The following ANKRD12 variants were observed in gnomAD, a reference collection of about 807,000 sequenced individuals.
ANKRD12 encodes the protein ankyrin repeat domain-containing protein 12.
Under a neutral mutation model 183.4 loss-of-function variants are expected in ANKRD12, and 85 were observed. The ratio of observed to expected loss-of-function variants is 0.46; its 90% CI spans 0.39 to 0.56. ANKRD12 has a LOEUF of 0.56. Among genes scored for constraint, ANKRD12 ranks in the 20% least tolerant of loss-of-function variants. The pLI is 0.00. For missense variants in ANKRD12, 2,405 were observed against 2,357.1 expected (o/e 1.02, Z -0.42); for synonymous variants, 914 against 800.2 (o/e 1.14, Z -2.40).
chr18:9,277,151 A>G (rs911823709), intron 11 of ANKRD12, among the ~76,000 whole-genome samples: 4 of 152,078 alleles, frequency 2.6e-5, no homozygotes, highest in Non-Finnish European at 4.4e-5. Flanking sequence ...CATTGAAATG[A>G]CAAAAGACAT....
chr18:9,139,305 C>G (rs896883510), intron 1 of ANKRD12, among the ~76,000 whole-genome samples: 2 of 152,080 alleles, frequency 1.3e-5, no homozygotes, highest in East Asian at 3.9e-4. Flanking sequence ...AAGGAAGATG[C>G]TTTTATCAAG....
intron 2 of ANKRD12, among the ~76,000 whole-genome samples, chr18:9,187,073 A>T (rs569628288): frequency 1.3e-5 from 2 of 152,160 alleles, no homozygotes; most frequent in South Asian, 4.1e-4. Flanking sequence ...TTGTCTTTTC[A>T]TAGTGAGTGG....
intron 4 of ANKRD12, among the ~76,000 whole-genome samples, chr18:9,207,807 C>G (rs1405819165): frequency 2.0e-5 from 3 of 152,108 alleles, no homozygotes; most frequent in Non-Finnish European, 4.4e-5. Context: ...CAGGTAATAG[C>G]CAGACCTCTG....
At chr18:9,265,843 A>C (rs1330486415) in intron 10 of ANKRD12, among the ~76,000 whole-genome samples, 1 of 152,166 alleles carries the variant, frequency 6.6e-6, no homozygotes, top group African/African-American at 2.4e-5. Flanking sequence ...AGGAAGTTCG[A>C]ACCCATGGCA....
intron 9 of ANKRD12, among the ~76,000 whole-genome samples, chr18:9,260,691 T>C (rs2038916200): frequency 6.6e-6 from 1 of 151,852 alleles, no homozygotes; most frequent in Non-Finnish European, 1.5e-5. Context: ...AAAGAGAAAA[T>C]CTCCAAGCAT....
chr18:9,243,504 TA>T (rs1392845202), intron 8 of ANKRD12, among the ~76,000 whole-genome samples: 5 of 152,124 alleles, frequency 3.3e-5, no homozygotes, highest in African/African-American at 1.2e-4. Context: ...TCCTCAAACA[TA>T]AATAATGTAG....
At chr18:9,144,826 AACTTTAGGGG>A (rs2078438991) in intron 1 of ANKRD12, among the ~76,000 whole-genome samples, 1 of 152,132 alleles carries the variant, frequency 6.6e-6, no homozygotes, top group African/African-American at 2.4e-5. Context: ...TAAATTTAGA[AACTTTAGGGG>A]AAAATATGTA....
At chr18:9,206,777 T>C (rs1049369880) in intron 4 of ANKRD12, among the ~76,000 whole-genome samples, 1 of 152,086 alleles carries the variant, frequency 6.6e-6, no homozygotes, top group Non-Finnish European at 1.5e-5. Flanking sequence ...TAAGTATCTT[T>C]TTACTGTTGC....
chr18:9,260,275 A>T (rs748992117), intron 9 of ANKRD12: 1 of 152,168 alleles, frequency 6.6e-6, no homozygotes, highest in African/African-American at 2.4e-5. Context: ...GCCAGGCCTG[A>T]TAACAATAAC....
intron 8 of ANKRD12, among the ~76,000 whole-genome samples, chr18:9,239,289 G>GA (rs2037522975): frequency 6.6e-6 from 1 of 152,166 alleles, no homozygotes; most frequent in Non-Finnish European, 1.5e-5. Flanking sequence ...TTGTAGCTAT[G>GA]AAAAGCAGCT....
intron 1 of ANKRD12, among the ~76,000 whole-genome samples, chr18:9,142,673 G>A (rs1475544230): frequency 5.3e-5 from 8 of 152,174 alleles, no homozygotes; most frequent in Non-Finnish European, 4.4e-5. Context: ...CCTGAGGTCA[G>A]GAGTTTGAGA....
Position 9,182,453 on chromosome 18 carries a change from A to G in ANKRD12, c.21A>G (p.Thr7=). The G allele has an allele frequency of 2.5e-6, 4 of 1,611,672 alleles. No homozygotes were observed. Among genetic ancestry groups the G allele is most frequent in the Non-Finnish European group, 3.4e-6 (4 of 1,178,706 alleles). MPKSGF[T]KPIQSENSDS... ...GTAAAATGCCCAAATCTGGGTTCAC[A>G]AAACCAATTCAGAGTGAAAATTCTG... Residue 7 remains threonine (T), a synonymous_variant, in exon 2 of 13, where the codon ACA becomes ACG. Transcript: ENST00000262126.
intron 6 of ANKRD12, among the ~76,000 whole-genome samples, chr18:9,215,608 G>A (rs1332544725): frequency 6.6e-6 from 1 of 152,100 alleles, no homozygotes; most frequent in African/African-American, 2.4e-5. Flanking sequence ...GGAAAGGATT[G>A]TCAACGCTGT....
At chr18:9,215,857 T>C (rs1027086296) in intron 6 of ANKRD12, among the ~76,000 whole-genome samples, 2 of 151,902 alleles carry the variant, frequency 1.3e-5, no homozygotes, top group Non-Finnish European at 2.9e-5. Context: ...TTGGAGAAAT[T>C]GAGGAGCTAG....
chr18:9,262,903 AT>A (rs1394474281), intron 9 of ANKRD12, among the ~76,000 whole-genome samples: 1 of 144,912 alleles, frequency 6.9e-6, no homozygotes, highest in Non-Finnish European at 1.5e-5. Context: ...AGTTCAAGCA[AT>A]TTTCCTGCCT....
rs541891606 is a variant in ANKRD12 at position 9,231,697 on chromosome 18, C to T, written c.943+9698C>T. Among the ~76,000 whole-genome samples the T allele has an allele frequency of 3.5e-3, 534 of 151,608 alleles. 2 individuals are homozygous for T. Among genetic ancestry groups the T allele is most frequent in the Middle Eastern group, 0.017 (5 of 294 alleles). On this transcript the variant is annotated intron_variant, in intron 8 of 12. Coordinates refer to ENST00000262126, the MANE Select transcript of ANKRD12 (RefSeq NM_015208.5). ...AAAATTAGCCAGGCATGGTGGCAGG[C>T]GCCTGTAGTCCCAGCTACTCGGGAG...
intron 1 of ANKRD12, among the ~76,000 whole-genome samples, chr18:9,152,657 TAAA>T (rs1020446711): frequency 1.3e-5 from 2 of 152,236 alleles, no homozygotes; most frequent in Middle Eastern, 3.4e-3. Context: ...TTACCACACT[TAAA>T]AAAATTTTTT....
chr18:9,272,715 G>T (rs1255840484), intron 10 of ANKRD12, among the ~76,000 whole-genome samples: 1 of 152,142 alleles, frequency 6.6e-6, no homozygotes, highest in East Asian at 1.9e-4. Flanking sequence ...TTTTGGATAT[G>T]TATTACTTCA....
At chr18:9,164,726 G>T (rs1189990727) in intron 1 of ANKRD12, among the ~76,000 whole-genome samples, 1 of 152,160 alleles carries the variant, frequency 6.6e-6, no homozygotes. Context: ...TTCGTCTTGA[G>T]TTCTGATTTG....
Sources: allele counts gnomAD v4.1 joint callset (sites outside exome capture counted in the v4.1 genomes callset), GRCh38; gene constraint gnomAD v4.1.1; transcripts MANE v1.5; gene names NCBI Gene and HGNC (gene_info 2026-07-23, HGNC 2026-07-21).